Variants in CNTN5 observed in about 807,000 individuals in gnomAD.
The protein encoded by CNTN5 is contactin 5, also known as contactin-5.
A neutral mutation model predicts 129.1 loss-of-function variants in CNTN5; 77 were observed. That is an observed-to-expected ratio of 0.60 (90% CI 0.50 to 0.72). CNTN5 has a LOEUF of 0.72. Ranked by LOEUF, CNTN5 falls within the 30% of genes least tolerant of loss-of-function variation. The probability of loss-of-function intolerance (pLI) is 0.00; values close to 1 mark genes in which losing one functional copy is unlikely to be tolerated. For synonymous variants in CNTN5, 509 were observed against 465.6 expected (o/e 1.09, Z -1.20); for missense variants, 1,478 against 1,328.8 (o/e 1.11, Z -1.75).
chr11:99,919,647 ATGAGTTT>A (rs750553328), intron 7 of CNTN5, among the ~76,000 whole-genome samples: 1 of 152,078 alleles, frequency 6.6e-6, no homozygotes, highest in Non-Finnish European at 1.5e-5. Context: ...GTACAGTTCA[ATGAGTTT>A]TGGTACATTT....
chr11:99,209,268 C>T (rs961440050), intron 1 of CNTN5, among the ~76,000 whole-genome samples: 5 of 152,090 alleles, frequency 3.3e-5, no homozygotes, highest in South Asian at 2.1e-4. Flanking sequence ...TATCTGTGAC[C>T]GGGTACTTTA....
intron 15 of CNTN5, among the ~76,000 whole-genome samples, chr11:100,208,866 C>G (rs1337472438): frequency 6.6e-6 from 1 of 152,148 alleles, no homozygotes. Flanking sequence ...CAGTTGGGGT[C>G]ATAAATGCAT....
In CNTN5 at chr11:99,406,512, C is replaced by A. The variant is rs185221437; in HGVS notation, c.-71+81028C>A. On this transcript the variant is annotated intron_variant, in intron 2 of 24. Transcript: ENST00000524871. Reference sequence around the variant, plus strand: ...CACTGGGTCAGATCTTAAGCCAGCACGGTATTGAGTCTCACCCAAGGCTTG... The same window carrying A: ...CACTGGGTCAGATCTTAAGCCAGCAAGGTATTGAGTCTCACCCAAGGCTTG... Among the ~76,000 whole-genome samples the A allele has an allele frequency of 2.4e-4, 36 of 152,178 alleles. No homozygotes were observed. In the East Asian group the frequency reaches 6.6e-3, roughly 28 times the overall value.
chr11:100,233,714 C>G (rs963789420), intron 16 of CNTN5, among the ~76,000 whole-genome samples: 1 of 152,066 alleles, frequency 6.6e-6, no homozygotes, highest in Non-Finnish European at 1.5e-5. Flanking sequence ...GACTTCTTAT[C>G]TAGGTGCCAT....
chr11:99,530,257 C>T (rs979804884), intron 2 of CNTN5, among the ~76,000 whole-genome samples: 1 of 152,174 alleles, frequency 6.6e-6, no homozygotes, highest in Non-Finnish European at 1.5e-5. Flanking sequence ...ATATTAAATG[C>T]ATTCTTAATC....
chr11:100,153,109 C>T (rs1947122929), intron 13 of CNTN5, among the ~76,000 whole-genome samples: 1 of 152,102 alleles, frequency 6.6e-6, no homozygotes, highest in Admixed American at 6.6e-5. Flanking sequence ...GCTAGAGCAA[C>T]TGAGCAAACA....
chr11:99,645,405 C>T (rs1326294313), intron 3 of CNTN5, among the ~76,000 whole-genome samples: 1 of 151,582 alleles, frequency 6.6e-6, no homozygotes, highest in Non-Finnish European at 1.5e-5. Flanking sequence ...ATTGCTGGGT[C>T]AGATGGTATT....
chr11:99,958,294 C>T (rs1950855579), intron 8 of CNTN5, among the ~76,000 whole-genome samples: 2 of 152,286 alleles, frequency 1.3e-5, no homozygotes, highest in South Asian at 4.1e-4. Context: ...GGATTACCAG[C>T]ATTTGATAAT....
chr11:100,025,065 C>T (rs1448936972), intron 9 of CNTN5, among the ~76,000 whole-genome samples: 1 of 152,198 alleles, frequency 6.6e-6, no homozygotes, highest in Non-Finnish European at 1.5e-5. Flanking sequence ...TGTCAGAGGT[C>T]TTCACTGCAA....
At chr11:100,014,933 A>C (rs1380061645) in intron 9 of CNTN5, among the ~76,000 whole-genome samples, 1 of 152,172 alleles carries the variant, frequency 6.6e-6, no homozygotes, top group Non-Finnish European at 1.5e-5. Flanking sequence ...AGCCTACATA[A>C]GGAGTTTTTA....
intron 9 of CNTN5, among the ~76,000 whole-genome samples, chr11:100,026,361 T>A (rs1941418481): frequency 6.6e-6 from 1 of 152,140 alleles, no homozygotes; most frequent in Non-Finnish European, 1.5e-5. Flanking sequence ...AATTGCCTAG[T>A]CTCAGGAAGT....
At chr11:99,140,516 C>A (rs963110509) in intron 1 of CNTN5, among the ~76,000 whole-genome samples, 3 of 151,330 alleles carry the variant, frequency 2.0e-5, no homozygotes, top group African/African-American at 7.3e-5. Flanking sequence ...TCAGACTAGG[C>A]CTTTCAGTAT....
chr11:100,152,774 A>G (rs1202746298), intron 13 of CNTN5, among the ~76,000 whole-genome samples: 1 of 152,118 alleles, frequency 6.6e-6, no homozygotes, highest in Non-Finnish European at 1.5e-5. Context: ...TCTACTCTGT[A>G]TGAGTAAAAT....
At chr11:99,134,167 C>A (rs1859101308) in intron 1 of CNTN5, among the ~76,000 whole-genome samples, 1 of 152,090 alleles carries the variant, frequency 6.6e-6, no homozygotes, top group African/African-American at 2.4e-5. Context: ...AAACCACACA[C>A]CTCATGTTCT....
chr11:100,044,660 A>G (rs2137699984), intron 9 of CNTN5, among the ~76,000 whole-genome samples: 1 of 150,244 alleles, frequency 6.7e-6, no homozygotes, highest in Non-Finnish European at 1.5e-5. Context: ...TTCTTCACTC[A>G]CTTTTTGTTA....
chr11:99,096,800 C>T (rs912437380), intron 1 of CNTN5, among the ~76,000 whole-genome samples: 13 of 151,612 alleles, frequency 8.6e-5, no homozygotes, highest in South Asian at 2.1e-4. Context: ...TGATTTTTCT[C>T]GCTGTCATAC....
chr11:100,211,724 C>T (rs1367620418), intron 15 of CNTN5, among the ~76,000 whole-genome samples: 1 of 152,126 alleles, frequency 6.6e-6, no homozygotes, highest in East Asian at 1.9e-4. Context: ...ATAACCCTAG[C>T]TTTCAGCTCT....
chr11:100,266,351 G>A (rs577434105), intron 17 of CNTN5, among the ~76,000 whole-genome samples: 9 of 152,148 alleles, frequency 5.9e-5, no homozygotes, highest in Admixed American at 4.6e-4. Context: ...GATGCACAAT[G>A]TTTTCTTTGA....
intron 9 of CNTN5, among the ~76,000 whole-genome samples, chr11:100,023,184 C>T (rs1160792313): frequency 6.6e-6 from 1 of 152,082 alleles, no homozygotes; most frequent in Non-Finnish European, 1.5e-5. Context: ...CATTTTTCAT[C>T]GCTTTTCTTT....
Sources: gnomAD v4.1 joint callset for allele counts (sites outside exome capture counted in the v4.1 genomes callset) on GRCh38, gnomAD v4.1.1 for gene constraint, MANE v1.5 for transcripts, NCBI Gene and HGNC (gene_info 2026-07-23, HGNC 2026-07-21) for gene names.